Variants in SEC11C observed in about 807,000 individuals in gnomAD.
The protein encoded by SEC11C is signal peptidase complex catalytic subunit SEC11C.
A neutral mutation model predicts 21.9 loss-of-function variants in SEC11C; 10 were observed. The observed-to-expected ratio is 0.46, with a 90% CI of 0.28 to 0.77. The LOEUF is 0.77. Ranked by LOEUF, SEC11C falls within the 30% of genes least tolerant of loss-of-function variation. SEC11C has a pLI of 0.12. For missense variants in SEC11C, 145 were observed against 244.5 expected, an observed-to-expected ratio of 0.59 and a Z score of 2.71; for synonymous variants, 83 against 85.6, an observed-to-expected ratio of 0.97 and a Z score of 0.17.
chr18:59,156,389 A>T (rs1224283583), intron 4 of SEC11C: 1 of 152,190 alleles, frequency 6.6e-6, no homozygotes, highest in African/African-American at 2.4e-5. Flanking sequence ...TTTTCACCCA[A>T]CAGGAAGTTG....
intron 1 of SEC11C, among the ~76,000 whole-genome samples, chr18:59,145,338 T>C (rs1399825055): frequency 6.6e-6 from 1 of 152,254 alleles, no homozygotes; most frequent in South Asian, 2.1e-4. Flanking sequence ...ACATAAAATA[T>C]TTACTGTCTA....
intron 2 of SEC11C, among the ~76,000 whole-genome samples, chr18:59,150,244 G>T (rs1312451128): frequency 6.6e-6 from 1 of 152,232 alleles, no homozygotes; most frequent in Admixed American, 6.5e-5. Flanking sequence ...TGTCGGTCCA[G>T]TGTGTCTTAG....
intron 3 of SEC11C, among the ~76,000 whole-genome samples, chr18:59,154,175 T>C (rs1470281114): frequency 6.6e-6 from 1 of 152,206 alleles, no homozygotes; most frequent in Non-Finnish European, 1.5e-5. Flanking sequence ...GCATCCTCAG[T>C]CATGATGTGA....
intron 2 of SEC11C, among the ~76,000 whole-genome samples, chr18:59,150,765 G>A (rs2069340865): frequency 6.6e-6 from 1 of 151,686 alleles, no homozygotes; most frequent in Non-Finnish European, 1.5e-5. Flanking sequence ...TAAAGAAGAA[G>A]AAATTTAAAA....
At chr18:59,143,748 C>A (rs961075100) in intron 1 of SEC11C, among the ~76,000 whole-genome samples, 2 of 152,218 alleles carry the variant, frequency 1.3e-5, no homozygotes, top group Admixed American at 1.3e-4. Context: ...TTGGTCATGT[C>A]ATTAAAGTTC....
At chr18:59,144,574 G>A (rs2069248684) in intron 1 of SEC11C, among the ~76,000 whole-genome samples, 1 of 151,938 alleles carries the variant, frequency 6.6e-6, no homozygotes, top group Non-Finnish European at 1.5e-5. Context: ...AAAAAATTTA[G>A]AACTACCCAG....
At chr18:59,149,996 TC>T (rs2069328873) in intron 2 of SEC11C, among the ~76,000 whole-genome samples, 1 of 152,214 alleles carries the variant, frequency 6.6e-6, no homozygotes, top group Admixed American at 6.5e-5. Context: ...AGAGCCTGTA[TC>T]CCCAGTGCGT....
In SEC11C at chr18:59,141,845, A is replaced by G. The variant is rs572372390; in HGVS notation, c.87+1810A>G. ...TCTGCAGTGAGGAAGAGAGGAAGAA[A>G]TACAGCTACTGGCAGTGCTGCTGCT... is the stretch of plus-strand genomic sequence containing the variant. On this transcript the variant is annotated intron_variant, in intron 1 of 5. Transcript: ENST00000587834. Among the ~76,000 whole-genome samples the G allele has an allele frequency of 1.6e-4, 25 of 152,314 alleles. 2 individuals are homozygous for G. The South Asian group carries it at 5.0e-3, about 30-fold the overall frequency.
intron 2 of SEC11C, 106 bp downstream of exon 2, chr18:59,149,728 T>TC: frequency 1.7e-6 from 1 of 580,508 alleles, no homozygotes; most frequent in Non-Finnish European, 3.1e-6. Flanking sequence ...CAGCTAAAAT[T>TC]CAAGATTTTA....
chr18:59,143,768 T>TTCC (rs1329540544), intron 1 of SEC11C, among the ~76,000 whole-genome samples: 1 of 152,208 alleles, frequency 6.6e-6, no homozygotes, highest in East Asian at 1.9e-4. Flanking sequence ...CCTTTTTATT[T>TTCC]TCCTCCCCCA....
chr18:59,157,556 C>G, intron 4 of SEC11C, 52 bp from the exon 5 acceptor site: 3 of 1,214,026 alleles, frequency 2.5e-6, no homozygotes, highest in Non-Finnish European at 3.7e-6. Context: ...ATGTTGCCAT[C>G]ATCATGTTAT....
At position 59,149,562 on chromosome 18, in the gene SEC11C, T is replaced by C. The variant is rs2069321978; in HGVS notation, c.137T>C (p.Met46Thr). The change falls in exon 2 of 6, where the codon ATG becomes ACG. Residue 46 changes from methionine to threonine, a missense_variant. By Grantham distance (81) the Met-to-Thr change is moderately conservative. Transcript: ENST00000587834. ...NFAMIVSSAL[M>T]IWKGLIVLTG... ...GCCATGATCGTGTCTTCTGCACTCA[T>C]GATATGGAAAGGCTTGATCGTGCTC... 9 of 1,613,254 alleles carry C rather than the reference T, an allele frequency of 5.6e-6. No individual in the cohort carries two copies. Among genetic ancestry groups the C allele is most frequent in the Non-Finnish European group, 6.8e-6 (8 of 1,179,370 alleles).
At chr18:59,144,942 GTTTAT>G (rs1184333415) in intron 1 of SEC11C, among the ~76,000 whole-genome samples, 1 of 151,302 alleles carries the variant, frequency 6.6e-6, no homozygotes, top group African/African-American at 2.4e-5. Flanking sequence ...CATTAAAGAT[GTTTAT>G]TTTATCACTA....
At position 59,140,000 on chromosome 18, in the gene SEC11C, A is replaced by G. The variant is rs1483875271; in HGVS notation, c.52A>G (p.Ile18Val). ...TCATCTCCCCGCGTCCGGCTTGGAT[A>G]TCTTCGGGGACCTGAAGAAGATGAA... ...GAHLPASGLD[I>V]FGDLKKMNKR... The change falls in exon 1 of 6, where the codon ATC becomes GTC. Residue 18 changes from isoleucine (I) to valine (V), a missense_variant. Transcript: ENST00000587834. 3 of 1,593,528 alleles carry G rather than the reference A, an allele frequency of 1.9e-6. No individual in the cohort carries two copies. Among genetic ancestry groups the G allele is most frequent in the Non-Finnish European group, 1.7e-6 (2 of 1,167,994 alleles).
chr18:59,155,655 T>C (rs1263506937), intron 3 of SEC11C, 33 bp from the exon 4 acceptor site: 10 of 1,601,942 alleles, frequency 6.2e-6, no homozygotes, highest in Non-Finnish European at 8.5e-6. Flanking sequence ...GTGCTGAAAA[T>C]AATTTTTGAG....
intron 2 of SEC11C, among the ~76,000 whole-genome samples, chr18:59,151,813 A>G (rs1029791332): frequency 2.0e-5 from 3 of 152,216 alleles, no homozygotes; most frequent in Non-Finnish European, 4.4e-5. Flanking sequence ...ACGTATTAAA[A>G]CAAAGCATGA....
At chr18:59,145,660 AAGGGCTTTAGGC>A (rs1322426204) in intron 1 of SEC11C, among the ~76,000 whole-genome samples, 1 of 152,184 alleles carries the variant, frequency 6.6e-6, no homozygotes, top group African/African-American at 2.4e-5. Context: ...GATGCAATCA[AAGGGCTTTAGGC>A]AGGGCATAGA....
intron 2 of SEC11C, among the ~76,000 whole-genome samples, chr18:59,151,723 G>A (rs2069357153): frequency 6.6e-6 from 1 of 152,120 alleles, no homozygotes; most frequent in Non-Finnish European, 1.5e-5. Context: ...ATTCTCCTCA[G>A]GTTCTTCCTG....
intron 2 of SEC11C, among the ~76,000 whole-genome samples, chr18:59,151,585 C>G (rs1486417335): frequency 2.6e-5 from 4 of 152,132 alleles, no homozygotes; most frequent in Non-Finnish European, 5.9e-5. Context: ...TCCCTGCCAC[C>G]TTCTGCACCT....
Sources: gnomAD v4.1 joint callset for allele counts (sites outside exome capture counted in the v4.1 genomes callset) on GRCh38, gnomAD v4.1.1 for gene constraint, MANE v1.5 for transcripts, NCBI Gene and HGNC (gene_info 2026-07-23, HGNC 2026-07-21) for gene names.